Variants in RIMBP2 observed in about 807,000 individuals in gnomAD.
The protein encoded by RIMBP2 is RIMS-binding protein 2.
In RIMBP2, 48 loss-of-function variants were observed where a neutral mutation model predicts 118.6. The ratio of observed to expected loss-of-function variants is 0.40; its 90% CI spans 0.32 to 0.51. The LOEUF is 0.51. Ranked by LOEUF, RIMBP2 falls within the 20% of genes least tolerant of loss-of-function variation. The pLI is 0.41. For missense variants in RIMBP2, 1,551 were observed against 1,768.3 expected (o/e 0.88, Z 2.20); for synonymous variants, 762 against 742.9 (o/e 1.03, Z -0.42).
Position 130,412,697 on chromosome 12 carries a change from G to A in RIMBP2, c.3511C>T (p.Gln1171Ter). ...TCCATCATCTCCTCATCATCTGCTT[G>A]TATCTCAGAGACCATGTTACAAGGA... Reference protein sequence around the residue: ...LIPCNMVSEIQADDEEMMDQL... With the variant: ...LIPCNMVSEI The change falls in exon 19 of 23, where the codon CAA (glutamine) becomes TAA (stop). Residue 1171 changes from glutamine (Q) to a stop codon, truncating the protein, a stop_gained. Transcript: ENST00000690449. LOFTEE classifies it high-confidence loss of function. 6.2e-7 allele frequency: 1 copy of A among 1,613,784 alleles called. No homozygotes were observed. The highest frequency in any genetic ancestry group is 8.5e-7 in the Non-Finnish European group (1 of 1,179,932).
intron 17 of RIMBP2, among the ~76,000 whole-genome samples, chr12:130,417,452 T>C (rs1241302147): frequency 6.6e-6 from 1 of 152,102 alleles, no homozygotes; most frequent in Non-Finnish European, 1.5e-5. Flanking sequence ...GAGGCCATCA[T>C]CCCAAGAAAA....
chr12:130,486,591 C>T (rs550976839), intron 4 of RIMBP2, among the ~76,000 whole-genome samples: 1 of 152,134 alleles, frequency 6.6e-6, no homozygotes, highest in Non-Finnish European at 1.5e-5. Flanking sequence ...GTTCCCTCCC[C>T]AAGCTGTGCC....
In RIMBP2 at chr12:130,670,512, GT is replaced by G. The variant is rs1174109797; in HGVS notation, c.-351-42057del. Among the ~76,000 whole-genome samples the G allele has an allele frequency of 6.6e-6, 1 of 152,104 alleles. No homozygotes were observed. Among genetic ancestry groups the G allele is most frequent in the Non-Finnish European group, 1.5e-5 (1 of 68,026 alleles). On this transcript the variant is annotated intron_variant, in intron 1 of 22. Transcript: ENST00000690449. This position sits in a 1 kb window ranked among gnomAD's most constrained non-coding sequence, Gnocchi z 4.9. Reference sequence around the variant, plus strand: ...CAACTGAGGCACCCTTCCCCCAGGGGTTCCATGGTCAGCTCCTTAGCCGACT... The same window carrying G: ...CAACTGAGGCACCCTTCCCCCAGGGGTCCATGGTCAGCTCCTTAGCCGACT...
intron 18 of RIMBP2, among the ~76,000 whole-genome samples, chr12:130,413,918 A>T (rs2075925703): frequency 6.6e-6 from 1 of 152,206 alleles, no homozygotes; most frequent in African/African-American, 2.4e-5. Context: ...GTTTGTGTGC[A>T]CACAAACCGG....
At chr12:130,704,051 G>A (rs2065982838) in intron 1 of RIMBP2, among the ~76,000 whole-genome samples, 1 of 152,142 alleles carries the variant, frequency 6.6e-6, no homozygotes, top group South Asian at 2.1e-4. Flanking sequence ...CCTTCCAGAT[G>A]AAGCAGCATT....
chr12:130,619,313 GC>G (rs2061156270), intron 2 of RIMBP2, among the ~76,000 whole-genome samples: 1 of 152,206 alleles, frequency 6.6e-6, no homozygotes, highest in Non-Finnish European at 1.5e-5. Context: ...AGGGTGCTAC[GC>G]AACAGTCACT....
chr12:130,579,181 C>G (rs1593883005), intron 2 of RIMBP2, among the ~76,000 whole-genome samples: 1 of 152,116 alleles, frequency 6.6e-6, no homozygotes, highest in South Asian at 2.1e-4. Flanking sequence ...GCAAGCCCGG[C>G]TGGTTGTGCG....
intron 6 of RIMBP2, among the ~76,000 whole-genome samples, chr12:130,467,610 ACT>A (rs1230253542): frequency 1.2e-4 from 18 of 152,056 alleles, no homozygotes; most frequent in African/African-American, 4.1e-4. Context: ...TGCATGAATT[ACT>A]CTTTCTCTAT....
intron 2 of RIMBP2, among the ~76,000 whole-genome samples, chr12:130,573,926 C>A (rs976767410): frequency 2.0e-5 from 3 of 152,098 alleles, no homozygotes; most frequent in Non-Finnish European, 4.4e-5. Context: ...CCTGCAGGCA[C>A]ACATGGAATT....
intron 4 of RIMBP2, among the ~76,000 whole-genome samples, chr12:130,501,499 T>C (rs1474422738): frequency 2.0e-5 from 3 of 152,190 alleles, no homozygotes; most frequent in African/African-American, 7.2e-5. Flanking sequence ...CACCTTCCCA[T>C]GAGACGCACC....
rs550352166 is a variant in RIMBP2, at chr12:130,559,841, C to T, written c.-216-41924G>A. ...CTAGCACTTTGTAACCAGATGACCT[C>T]GAGCAAGCTACTTGACTGCTCAAGG... On this transcript the variant is annotated intron_variant, in intron 2 of 22. Transcript: ENST00000690449. 5.3e-5 allele frequency among the ~76,000 whole-genome samples: 8 copies of T among 152,330 alleles called. No homozygotes were observed. In the South Asian group the frequency reaches 1.5e-3, roughly 28 times the overall value.
chr12:130,588,123 C>G (rs1002272475), intron 2 of RIMBP2, among the ~76,000 whole-genome samples: 5 of 152,042 alleles, frequency 3.3e-5, no homozygotes, highest in Non-Finnish European at 7.4e-5. Flanking sequence ...CCTTCTGGCC[C>G]AACAATCCAA....
intron 1 of RIMBP2, among the ~76,000 whole-genome samples, chr12:130,690,801 G>A (rs1015874076): frequency 3.3e-5 from 5 of 152,030 alleles, no homozygotes; most frequent in African/African-American, 1.2e-4. Flanking sequence ...TTGAAGCCTG[G>A]GACTCAAATA....
intron 4 of RIMBP2, among the ~76,000 whole-genome samples, chr12:130,499,597 G>C (rs572857758): frequency 8.5e-5 from 13 of 152,090 alleles, no homozygotes; most frequent in African/African-American, 2.9e-4. Context: ...CTGCACCTCG[G>C]GCTTCCACAC....
At position 130,670,515 on chromosome 12, in the gene RIMBP2, C is replaced by A. The variant is rs1377020207; in HGVS notation, c.-351-42059G>T. 6.6e-6 allele frequency among the ~76,000 whole-genome samples: 1 copy of A among 152,140 alleles called. No individual in the cohort carries two copies. The highest frequency in any genetic ancestry group is 1.5e-5 in the Non-Finnish European group (1 of 68,026). On this transcript the variant is annotated intron_variant, in intron 1 of 22. Coordinates refer to ENST00000690449, the MANE Select transcript of RIMBP2 (RefSeq NM_001393629.1). This position sits in a 1 kb window ranked among gnomAD's most constrained non-coding sequence, Gnocchi z 4.9. ...CTGAGGCACCCTTCCCCCAGGGGTT[C>A]CATGGTCAGCTCCTTAGCCGACTTT... is the stretch of plus-strand genomic sequence containing the variant.
intron 21 of RIMBP2, among the ~76,000 whole-genome samples, chr12:130,400,536 C>T (rs2074430962): frequency 6.6e-6 from 1 of 152,188 alleles, no homozygotes; most frequent in African/African-American, 2.4e-5. Flanking sequence ...CTTCCCCAAA[C>T]TCATCTGCCC....
At chr12:130,705,514 G>A (rs2066064716) in intron 1 of RIMBP2, among the ~76,000 whole-genome samples, 1 of 152,118 alleles carries the variant, frequency 6.6e-6, no homozygotes, top group African/African-American at 2.4e-5. Context: ...GCTGTCCCAG[G>A]CCCACACAGG....
At chr12:130,657,857 CA>C (rs2063494908) in intron 1 of RIMBP2, 1 of 152,300 alleles carries the variant, frequency 6.6e-6, no homozygotes, top group African/African-American at 2.4e-5. Context: ...TACACGGAAC[CA>C]GCTACCCAAC....
intron 2 of RIMBP2, among the ~76,000 whole-genome samples, chr12:130,555,850 C>G (rs116496767): frequency 1.9e-4 from 29 of 152,278 alleles, no homozygotes; most frequent in African/African-American, 6.7e-4. Flanking sequence ...AAAAGTTAAT[C>G]GTCATCTGGT....
Sources: gnomAD v4.1 joint callset for allele counts (sites outside exome capture counted in the v4.1 genomes callset) on GRCh38, gnomAD v4.1.1 for gene constraint, Gnocchi (gnomAD v3.1) non-coding constraint, MANE v1.5 for transcripts, NCBI Gene and HGNC (gene_info 2026-07-23, HGNC 2026-07-21) for gene names.